The following CDHR2 variants were observed in gnomAD, a reference collection of about 807,000 sequenced individuals.
The protein encoded by CDHR2 is cadherin-related family member 2.
A neutral mutation model predicts 138.6 loss-of-function variants in CDHR2; 104 were observed. That is an observed-to-expected ratio of 0.75 (90% CI 0.64 to 0.88). The LOEUF is 0.88. Ranked by LOEUF, CDHR2 falls within the 40% of genes least tolerant of loss-of-function variation. CDHR2 has a pLI of 0.00. For missense variants in CDHR2, 1,624 were observed against 1,727.6 expected, an observed-to-expected ratio of 0.94 and a Z score of 1.06; for synonymous variants, 755 against 742.8, an observed-to-expected ratio of 1.02 and a Z score of -0.27.
chr5:176,576,167 G>A lies in CDHR2; in HGVS notation c.1176G>A (p.Val392=), dbSNP rs1259240156. Residue 392 remains valine, a synonymous_variant, in exon 12 of 32, where the codon GTG becomes GTA. Coordinates refer to ENST00000261944, the MANE Select transcript of CDHR2 (RefSeq NM_017675.6). The surrounding 1 kb of genome is among the most constrained non-coding windows in gnomAD (Gnocchi z 4.5). ...PRIPIDDLTM[V]VYDPDKGSNG... is the part of the protein sequence containing the mutation. ...TCCCCATCGATGACCTCACCATGGT[G>A]GTCTACGACCCGGACAAGGCAGGCG... 2.5e-6 allele frequency: 4 copies of A among 1,612,818 alleles called. No homozygotes were observed. Among genetic ancestry groups the A allele is most frequent in the Non-Finnish European group, 8.5e-7 (1 of 1,179,874 alleles).
chr5:176,571,413 C>T (rs1758227036), intron 6 of CDHR2, 111 bp downstream of exon 6: 1 of 652,364 alleles, frequency 1.5e-6, no homozygotes. Flanking sequence ...AAAAACCTCT[C>T]CTAGCAGGGG....
At chr5:176,590,210 G>C in intron 25 of CDHR2, 43 bp from the exon 26 acceptor site, 1 of 1,611,180 alleles carries the variant, frequency 6.2e-7, no homozygotes, top group Non-Finnish European at 8.5e-7. Context: ...GGGGCCTGCT[G>C]GGTGATCCAG....
chr5:176,589,132 C>T lies in CDHR2; in HGVS notation c.2958C>T (p.Val986=). The T allele has an allele frequency of 6.2e-7, 1 of 1,614,204 alleles. No homozygotes were observed. The highest frequency in any genetic ancestry group is 8.5e-7 in the Non-Finnish European group (1 of 1,180,024). The change falls in exon 22 of 32, where the codon GTC becomes GTT. Residue 986 remains valine, a synonymous_variant. Coordinates refer to ENST00000261944, the MANE Select transcript of CDHR2 (RefSeq NM_017675.6). ...KDGATIPFQG[V]FSIFTSSEAD... is the part of the protein sequence containing the mutation. ...GGGCCACCATCCCTTTCCAGGGTGTCTTCTCGATCTTCACCTCCTCCGAGG... is the reference window on the plus strand; with the variant it reads ...GGGCCACCATCCCTTTCCAGGGTGTTTTCTCGATCTTCACCTCCTCCGAGG...
chr5:176,552,475 A>G (rs11134980), intron 1 of CDHR2, among the ~76,000 whole-genome samples: 78,604 of 152,146 alleles, frequency 0.52, 24,942 homozygotes, highest in Non-Finnish European at 0.7. Flanking sequence ...AGGACCTCCA[A>G]GGACCTCGCC....
rs778532418 is a variant in CDHR2 at position 176,589,407 on chromosome 5, G to A, written c.3086G>A (p.Gly1029Asp). The A allele has an allele frequency of 6.3e-7, 1 of 1,582,638 alleles. No homozygotes were observed. ...CAGGCCAGGGACAGACCTTCCTTGG[G>A]TCCTTTCCTGGAAGCCACCACCACC... ...TVQARDRPSL[G>D]PFLEATTTLN... The change falls in exon 23 of 32, where the codon GGT (glycine) becomes GAT (aspartate). Residue 1029 changes from glycine (G) to aspartate (D), a missense_variant. Physicochemically the swap from Gly to Asp is moderately conservative, Grantham distance 94. Around this residue, in one of 3 missense-constraint regions of CDHR2, gnomAD observed 556 missense variants for 565.7 expected, o/e 0.98. Coordinates refer to ENST00000261944, the MANE Select transcript of CDHR2 (RefSeq NM_017675.6).
chr5:176,574,587 T>C (rs1041975071), intron 7 of CDHR2, among the ~76,000 whole-genome samples: 2 of 152,210 alleles, frequency 1.3e-5, no homozygotes, highest in Non-Finnish European at 2.9e-5. Context: ...CCAAAATCCA[T>C]GGCTGCTCAA....
At chr5:176,569,959 C>CAAAAAAA (rs67181310) in intron 5 of CDHR2, among the ~76,000 whole-genome samples, 1 of 141,626 alleles carries the variant, frequency 7.1e-6, no homozygotes, top group Non-Finnish European at 1.5e-5. Flanking sequence ...GACTCCGTCT[C>CAAAAAAA]AAAAAAAAAA....
upstream of CDHR2, among the ~76,000 whole-genome samples, chr5:176,549,087 C>T (rs377153181): frequency 4.7e-4 from 72 of 152,330 alleles, no homozygotes; most frequent in African/African-American, 1.7e-3. Flanking sequence ...CAGCCTGCCC[C>T]AGTGTTGGGC....
chr5:176,565,364 A>T lies in CDHR2; in HGVS notation c.12A>T (p.Leu4=), dbSNP rs367755212. The T allele has an allele frequency of 1.9e-6, 3 of 1,614,004 alleles. No homozygotes were observed. The highest frequency in any genetic ancestry group is 1.6e-4 in the Middle Eastern group (1 of 6,062). MAQ[L]WLSCFLLPAL... ...TCCCTGCGGATGTGATGGCCCAGCT[A>T]TGGCTGTCCTGCTTCCTCCTTCCTG... Residue 4 remains leucine, a synonymous_variant, in exon 2 of 32, where the codon CTA becomes CTT. Coordinates refer to ENST00000261944, the MANE Select transcript of CDHR2 (RefSeq NM_017675.6).
chr5:176,594,840 GGT>G (rs111567221), intron 31 of CDHR2, among the ~76,000 whole-genome samples: 1 of 151,842 alleles, frequency 6.6e-6, no homozygotes, highest in Non-Finnish European at 1.5e-5. Flanking sequence ...TCCACAGGAG[GGT>G]GTGTGTGTGT....
chr5:176,583,405 G>A (rs919077916), intron 17 of CDHR2, among the ~76,000 whole-genome samples: 3 of 152,220 alleles, frequency 2.0e-5, no homozygotes, highest in African/African-American at 7.2e-5. Context: ...ATCTAGCTAA[G>A]GTGCAAGAAT....
chr5:176,593,412 G>A (rs1256187223), intron 31 of CDHR2, among the ~76,000 whole-genome samples: 1 of 152,194 alleles, frequency 6.6e-6, no homozygotes, highest in Non-Finnish European at 1.5e-5. Context: ...TGGAGCCTGG[G>A]CATGGACCTG....
At chr5:176,592,808 G>A in intron 31 of CDHR2, 28 bp downstream of exon 31, 1 of 1,605,760 alleles carries the variant, frequency 6.2e-7, no homozygotes, top group African/African-American at 1.3e-5. Flanking sequence ...TTGGTGCCTG[G>A]AGGTTCCAAC....
Position 176,590,273 on chromosome 5 carries a change from T to C in CDHR2, c.3296T>C (p.Leu1099Pro), listed in dbSNP as rs761138626. Reference protein sequence around the residue: ...SAARARPHSYLDAYFVFPNGS... With the variant: ...SAARARPHSYPDAYFVFPNGS... ...TCCAGGGCCCGACCTCACTCCTACC[T>C]CGATGCCTACTTTGTCTTCCCCAAT... is the stretch of plus-strand genomic sequence containing the variant. The change falls in exon 26 of 32, where the codon CTC (leucine) becomes CCC (proline). Residue 1099 changes from leucine (L) to proline (P), a missense_variant. Transcript: ENST00000261944. 6.2e-7 allele frequency: 1 copy of C among 1,614,158 alleles called. No homozygotes were observed. Among genetic ancestry groups the C allele is most frequent in the Admixed American group, 1.7e-5 (1 of 60,022 alleles).
chr5:176,581,750 C>T (rs1758540331), intron 17 of CDHR2, among the ~76,000 whole-genome samples, 168 bp downstream of exon 17: 1 of 152,180 alleles, frequency 6.6e-6, no homozygotes, highest in African/African-American at 2.4e-5. Context: ...ACTCAGGCTC[C>T]TCATCTATAA....
chr5:176,566,602 G>A (rs946847618), intron 3 of CDHR2, among the ~76,000 whole-genome samples: 1 of 152,164 alleles, frequency 6.6e-6, no homozygotes, highest in Non-Finnish European at 1.5e-5. Context: ...GGGCTTGAGG[G>A]GGCGGGGGTC....
intron 17 of CDHR2, 61 bp from the exon 18 acceptor site, chr5:176,584,129 G>C (rs886914998): frequency 2.2e-5 from 31 of 1,413,390 alleles, no homozygotes; most frequent in Non-Finnish European, 3.0e-5. Context: ...TTGGTTTCTC[G>C]GATTGGCTCT....
chr5:176,585,792 C>T lies in CDHR2; in HGVS notation c.2735-162C>T, dbSNP rs879234099. Among the ~76,000 whole-genome samples the T allele has an allele frequency of 9.5e-5, 13 of 137,270 alleles. No homozygotes were observed. In the South Asian group the frequency reaches 9.6e-4, roughly 10 times the overall value. 90.1% of individuals were successfully genotyped at this position (137,270 alleles called of 152,430 possible). On this transcript the variant is annotated intron_variant, in intron 19 of 31. Coordinates refer to ENST00000261944, the MANE Select transcript of CDHR2 (RefSeq NM_017675.6). ...GCTGCGGGGCATGGGGTTGAGGCTG[C>T]GGGGCACGGGGTTGAGGCTGCGGGG...
In CDHR2 at chr5:176,581,561, C is replaced by T; in HGVS notation, c.2037C>T (p.Val679=). Residue 679 remains valine, a synonymous_variant, in exon 17 of 32, where the codon GTC becomes GTT. Transcript: ENST00000261944. ...DCGEPVLGTK[V]NVTITVEDIN... ...GCGAGCCTGTCCTCGGCACCAAAGTCAATGTCACCATCACTGTGGAGGTAA... is the reference window on the plus strand; with the variant it reads ...GCGAGCCTGTCCTCGGCACCAAAGTTAATGTCACCATCACTGTGGAGGTAA... 2.5e-6 allele frequency: 4 copies of T among 1,613,876 alleles called. No individual in the cohort carries two copies. The highest frequency in any genetic ancestry group is 3.4e-6 in the Non-Finnish European group (4 of 1,180,034).
Sources: gnomAD v4.1 joint callset for allele counts (sites outside exome capture counted in the v4.1 genomes callset) on GRCh38, gnomAD v4.1.1 for gene constraint, gnomAD v4.1.1 regional missense constraint, Gnocchi (gnomAD v3.1) non-coding constraint, MANE v1.5 for transcripts, NCBI Gene and HGNC (gene_info 2026-07-23, HGNC 2026-07-21) for gene names.